The following ENTREP2 variants were observed in gnomAD, a reference collection of about 807,000 sequenced individuals.
ENTREP2 encodes the protein endosomal transmembrane epsin interactor 2.
chr15:29,617,051 C>A, the ENTREP2 span, among the ~76,000 whole-genome samples: 4 of 152,216 alleles, frequency 2.6e-5, no homozygotes, highest in Non-Finnish European at 5.9e-5. Context: ...CTGAGTGAGA[C>A]GCCCTCTCAA....
At chr15:29,283,130 C>T in the ENTREP2 span, among the ~76,000 whole-genome samples, 1 of 152,152 alleles carries the variant, frequency 6.6e-6, no homozygotes, top group Non-Finnish European at 1.5e-5. Flanking sequence ...CTATCCCAGG[C>T]CAGAGTGGGG....
chr15:29,600,660 C>G, the ENTREP2 span, among the ~76,000 whole-genome samples: 1 of 152,024 alleles, frequency 6.6e-6, no homozygotes, highest in Non-Finnish European at 1.5e-5. Flanking sequence ...TTTGTAGGGA[C>G]AGGGTCTTGC....
At chr15:29,580,912 CCT>C in the ENTREP2 span, among the ~76,000 whole-genome samples, 10 of 152,064 alleles carry the variant, frequency 6.6e-5, no homozygotes, top group African/African-American at 1.9e-4. Context: ...AAATGCTCCC[CCT>C]TTTAAGCCAT....
At chr15:29,351,225 G>C in the ENTREP2 span, among the ~76,000 whole-genome samples, 2 of 152,136 alleles carry the variant, frequency 1.3e-5, no homozygotes, top group African/African-American at 4.8e-5. Flanking sequence ...AAACACTGTA[G>C]GCAACTGTAA....
the ENTREP2 span, among the ~76,000 whole-genome samples, chr15:29,307,623 A>G: frequency 1.3e-5 from 2 of 152,212 alleles, no homozygotes; most frequent in Non-Finnish European, 2.9e-5. Flanking sequence ...ATATTTAGAG[A>G]TAGGGTCTTT....
the ENTREP2 span, among the ~76,000 whole-genome samples, chr15:29,247,321 C>G: frequency 1.3e-5 from 2 of 152,064 alleles, no homozygotes; most frequent in Non-Finnish European, 2.9e-5. Flanking sequence ...TAATATGATG[C>G]CAATTCAAAT....
At chr15:29,470,499 G>A in the ENTREP2 span, among the ~76,000 whole-genome samples, 5 of 152,164 alleles carry the variant, frequency 3.3e-5, no homozygotes, top group African/African-American at 1.2e-4. Context: ...GCAAATACTC[G>A]TCACTCGGAC....
At chr15:29,408,090 T>C in the ENTREP2 span, among the ~76,000 whole-genome samples, 2 of 152,174 alleles carry the variant, frequency 1.3e-5, no homozygotes. Flanking sequence ...AATTTTAGGT[T>C]GCAGATTATT....
the ENTREP2 span, among the ~76,000 whole-genome samples, chr15:29,658,272 A>T: frequency 2.6e-5 from 4 of 152,214 alleles, no homozygotes; most frequent in East Asian, 3.9e-4. Flanking sequence ...CTCTCCTGCC[A>T]CCTTGTGAAG....
At chr15:29,396,228 A>C in the ENTREP2 span, among the ~76,000 whole-genome samples, 1 of 152,130 alleles carries the variant, frequency 6.6e-6, no homozygotes, top group Non-Finnish European at 1.5e-5. Context: ...TTTATAACTG[A>C]AAGTTTATAC....
chr15:29,247,406 G>A, the ENTREP2 span, among the ~76,000 whole-genome samples: 4 of 152,228 alleles, frequency 2.6e-5, no homozygotes, highest in South Asian at 4.1e-4. Context: ...TTAAAACCAG[G>A]CAAGAACATT....
chr15:29,319,050 A>G, the ENTREP2 span, among the ~76,000 whole-genome samples: 1 of 152,232 alleles, frequency 6.6e-6, no homozygotes, highest in African/African-American at 2.4e-5. Flanking sequence ...AAAGCTATGA[A>G]AAGTAAGAAC....
At chr15:29,195,105 G>A in the ENTREP2 span, 1 of 984,694 alleles carries the variant, frequency 1.0e-6, no homozygotes, top group Non-Finnish European at 1.2e-6. Context: ...TGGGCAGCAT[G>A]AAATACCTGG....
At chr15:29,620,277 G>C in the ENTREP2 span, among the ~76,000 whole-genome samples, 1 of 152,088 alleles carries the variant, frequency 6.6e-6, no homozygotes, top group African/African-American at 2.4e-5. Context: ...CCATGGAGCT[G>C]AGCATGAACT....
the ENTREP2 span, among the ~76,000 whole-genome samples, chr15:29,314,236 G>A: frequency 6.6e-6 from 1 of 152,312 alleles, no homozygotes; most frequent in Non-Finnish European, 1.5e-5. Flanking sequence ...GCAGCAGCAG[G>A]GTTAGAGGAC....
the ENTREP2 span, among the ~76,000 whole-genome samples, chr15:29,141,805 T>C: frequency 1.3e-5 from 2 of 152,226 alleles, no homozygotes; most frequent in Non-Finnish European, 2.9e-5. Context: ...ACCCTGCAGA[T>C]GAGCTGGAGC....
the ENTREP2 span, among the ~76,000 whole-genome samples, chr15:29,658,008 A>G: frequency 6.6e-6 from 1 of 152,182 alleles, no homozygotes; most frequent in Non-Finnish European, 1.5e-5. Flanking sequence ...GCCATATGAT[A>G]TGGTAGAATG....
the ENTREP2 span, among the ~76,000 whole-genome samples, chr15:29,659,297 C>T: frequency 1.3e-4 from 20 of 152,064 alleles, no homozygotes; most frequent in East Asian, 3.3e-3. Flanking sequence ...GGTGAAACCC[C>T]GTCTCTACTG....
chr15:29,227,682 A>AGGAG, the ENTREP2 span, among the ~76,000 whole-genome samples: 3 of 152,202 alleles, frequency 2.0e-5, no homozygotes, highest in African/African-American at 4.8e-5. Flanking sequence ...GAAAGAGGAT[A>AGGAG]GGAGGGGCTG....
Sources: allele counts gnomAD v4.1 joint callset (sites outside exome capture counted in the v4.1 genomes callset), GRCh38; gene constraint gnomAD v4.1.1; transcripts MANE v1.5; gene names NCBI Gene and HGNC (gene_info 2026-07-23, HGNC 2026-07-21).